GLRA1: variants seen among roughly 807,000 people sequenced by gnomAD.
GLRA1 encodes the protein glycine receptor alpha 1.
A neutral mutation model predicts 48.3 loss-of-function variants in GLRA1; 37 were observed. That is an observed-to-expected ratio of 0.77 (90% CI 0.59 to 1.01). The LOEUF is 1.01. Ranked by LOEUF, GLRA1 falls within the 50% of genes least tolerant of loss-of-function variation. The pLI is 0.00. For synonymous variants in GLRA1, 196 were observed against 210.7 expected, an observed-to-expected ratio of 0.93 and a Z score of 0.60; for missense variants, 427 against 571.0, an observed-to-expected ratio of 0.75 and a Z score of 2.57.
chr5:151,846,146 G>A (rs1008866682), intron 7 of GLRA1, among the ~76,000 whole-genome samples: 2 of 152,162 alleles, frequency 1.3e-5, no homozygotes, highest in African/African-American at 4.8e-5. Context: ...CTATCTATAG[G>A]CAGTTGTATA....
chr5:151,856,186 A>G, intron 5 of GLRA1, 115 bp downstream of exon 5: 1 of 718,322 alleles, frequency 1.4e-6, no homozygotes, highest in South Asian at 1.5e-5. Flanking sequence ...ATTTTGGGTT[A>G]TTACAGTAAT....
At chr5:151,830,614 G>T (rs1050538499) in intron 7 of GLRA1, among the ~76,000 whole-genome samples, 33 of 152,324 alleles carry the variant, frequency 2.2e-4, no homozygotes, top group Admixed American at 1.0e-3. Flanking sequence ...AAGGTAGAGA[G>T]CCCCTTGGCA....
chr5:151,922,678 G>A lies in GLRA1; in HGVS notation c.56+1816C>T, dbSNP rs182548146. ...TTAGGCCACCACCAGCTTAGTTGAA[G>A]AATTAACACAGTGGATTCATAACCT... On this transcript the variant is annotated intron_variant, in intron 1 of 8. Transcript: ENST00000274576. Among the ~76,000 whole-genome samples, 39 of 152,348 alleles carry A rather than the reference G, an allele frequency of 2.6e-4. No individual in the cohort carries two copies. The South Asian group carries it at 7.5e-3, about 29-fold the overall frequency.
At chr5:151,824,814 G>A (rs1014035335) in intron 8 of GLRA1, among the ~76,000 whole-genome samples, 1 of 151,928 alleles carries the variant, frequency 6.6e-6, no homozygotes, top group African/African-American at 2.4e-5. Context: ...TATAAGCTCC[G>A]TGCAAAGTCT....
intron 7 of GLRA1, among the ~76,000 whole-genome samples, chr5:151,837,160 C>A (rs1763598999): frequency 6.6e-6 from 1 of 152,174 alleles, no homozygotes; most frequent in Non-Finnish European, 1.5e-5. Context: ...AGGATATGAA[C>A]AGACACTTCT....
chr5:151,904,249 C>G (rs1367884025), intron 1 of GLRA1, among the ~76,000 whole-genome samples: 3 of 152,274 alleles, frequency 2.0e-5, no homozygotes, highest in Admixed American at 2.0e-4. Context: ...CCTTTTTACC[C>G]TGTACCTTCA....
intron 3 of GLRA1, among the ~76,000 whole-genome samples, chr5:151,875,875 G>T (rs1753614590): frequency 6.6e-6 from 1 of 152,214 alleles, no homozygotes; most frequent in African/African-American, 2.4e-5. Context: ...GCAGCCTGGG[G>T]ATGATAACTG....
chr5:151,859,943 G>T lies in GLRA1; in HGVS notation c.318C>A (p.Tyr106Ter). 1.2e-6 allele frequency: 2 copies of T among 1,614,072 alleles called. 1 individual carries two copies. Among genetic ancestry groups the T allele is most frequent in the South Asian group, 2.2e-5 (2 of 91,070 alleles). Residue 106 changes from tyrosine to a stop codon, truncating the protein, a stop_gained, in exon 4 of 9, where the codon TAC (tyrosine) becomes TAA (stop). Coordinates refer to ENST00000274576, the MANE Select transcript of GLRA1 (RefSeq NM_000171.4). LOFTEE classifies it high-confidence loss of function. ...WNDPRLAYNEYPDDSLDLDPS... is the reference protein window; with the variant it reads ...WNDPRLAYNE ...GGTCCAGGTCCAGAGAGTCGTCAGGGTATTCATTATAGGCCAGGCGGGGGT... is the reference window on the plus strand; with the variant it reads ...GGTCCAGGTCCAGAGAGTCGTCAGGTTATTCATTATAGGCCAGGCGGGGGT...
chr5:151,858,511 A>G (rs1278232802), intron 4 of GLRA1, among the ~76,000 whole-genome samples: 1 of 152,220 alleles, frequency 6.6e-6, no homozygotes, highest in Admixed American at 6.5e-5. Context: ...CCCCGCAGCC[A>G]GCTGGGCCTG....
In GLRA1 at chr5:151,856,304, T is replaced by G; in HGVS notation, c.556A>C (p.Ser186Arg). Residue 186 changes from serine to arginine, a missense_variant, in exon 5 of 9, where the codon AGC (serine) becomes CGC (arginine). Ser to Arg is a moderately radical substitution (Grantham distance 110, BLOSUM62 -1). This residue lies in a region of GLRA1 where 271 missense variants were observed against 434.9 expected (regional missense o/e 0.62). Coordinates refer to ENST00000274576, the MANE Select transcript of GLRA1 (RefSeq NM_000171.4). ...DVQTCIMQLE[S>R]FGYTMNDLIF... ...AGGACTCATGCAAGACACTCACAGC[T>G]TTCCAGTTGCATGATACATGTCTGG... 1 of 1,607,056 alleles carries G rather than the reference T, an allele frequency of 6.2e-7. No individual in the cohort carries two copies. The highest frequency in any genetic ancestry group is 8.5e-7 in the Non-Finnish European group (1 of 1,173,912).
intron 8 of GLRA1, among the ~76,000 whole-genome samples, chr5:151,828,322 A>C (rs899003443): frequency 2.0e-5 from 3 of 152,220 alleles, no homozygotes; most frequent in African/African-American, 7.2e-5. Flanking sequence ...AGCAGGCTGC[A>C]TGCTCCCCAT....
intron 1 of GLRA1, among the ~76,000 whole-genome samples, chr5:151,905,971 TC>T (rs946422394): frequency 6.6e-6 from 1 of 152,154 alleles, no homozygotes. Flanking sequence ...TTTTTTTAAA[TC>T]CCTGAAAGTA....
intron 7 of GLRA1, chr5:151,850,172 A>G: frequency 1.9e-6 from 3 of 1,603,498 alleles, no homozygotes; most frequent in Non-Finnish European, 2.6e-6. Flanking sequence ...GCAGTGTGGG[A>G]GCAGGCAAAG....
intron 1 of GLRA1, among the ~76,000 whole-genome samples, chr5:151,892,639 A>C (rs1754108562): frequency 6.6e-6 from 1 of 152,230 alleles, no homozygotes; most frequent in South Asian, 2.1e-4. Context: ...GGATCCTGGC[A>C]GGCAGCCAAG....
intron 1 of GLRA1, among the ~76,000 whole-genome samples, chr5:151,912,443 C>T (rs1291999947): frequency 6.6e-6 from 1 of 152,098 alleles, no homozygotes; most frequent in Non-Finnish European, 1.5e-5. Context: ...TGCAATGGCT[C>T]AGATGTTTTG....
At chr5:151,895,066 T>C (rs911490220) in intron 1 of GLRA1, among the ~76,000 whole-genome samples, 2 of 149,584 alleles carry the variant, frequency 1.3e-5, no homozygotes, top group African/African-American at 2.6e-5. Context: ...ATTGTATAGA[T>C]GTGTTATGTA....
chr5:151,912,657 G>A (rs1754645615), intron 1 of GLRA1, among the ~76,000 whole-genome samples: 1 of 152,194 alleles, frequency 6.6e-6, no homozygotes, highest in South Asian at 2.1e-4. Context: ...CAGGTCCTGG[G>A]CTTCTGCAGA....
chr5:151,873,333 A>G (rs1250569976), intron 3 of GLRA1, among the ~76,000 whole-genome samples: 1 of 149,444 alleles, frequency 6.7e-6, no homozygotes, highest in East Asian at 1.9e-4. Context: ...AGAACCACCC[A>G]TTTAAGAAAT....
chr5:151,870,957 T>C (rs575562403), intron 3 of GLRA1, among the ~76,000 whole-genome samples: 1 of 149,974 alleles, frequency 6.7e-6, no homozygotes, highest in Admixed American at 6.6e-5. Context: ...ACTTCAGTCA[T>C]TCGTGGGTTT....
Sources: allele counts gnomAD v4.1 joint callset (sites outside exome capture counted in the v4.1 genomes callset), GRCh38; gene constraint gnomAD v4.1.1; regional missense constraint gnomAD v4.1.1; transcripts MANE v1.5; gene names NCBI Gene and HGNC (gene_info 2026-07-23, HGNC 2026-07-21).